CEP112: variants seen among roughly 807,000 people sequenced by gnomAD.
CEP112 encodes centrosomal protein 112.
In CEP112, 127 loss-of-function variants were observed where a neutral mutation model predicts 153.0. The observed-to-expected ratio is 0.83, with a 90% CI of 0.72 to 0.96. The LOEUF (loss-of-function observed/expected upper bound fraction) is 0.96. Ranked by LOEUF, CEP112 falls within the 40% of genes least tolerant of loss-of-function variation. The pLI, the probability that CEP112 is intolerant of heterozygous loss-of-function variation, is 0.00. For missense variants in CEP112, 1,089 were observed against 1,101.2 expected, an observed-to-expected ratio of 0.99 and a Z score of 0.16; for synonymous variants, 358 against 374.4, an observed-to-expected ratio of 0.96 and a Z score of 0.51.
chr17:65,919,128 A>G (rs749451467), intron 19 of CEP112, among the ~76,000 whole-genome samples: 3 of 152,234 alleles, frequency 2.0e-5, no homozygotes, highest in African/African-American at 4.8e-5. Context: ...AGCCTGAAGC[A>G]GCCTCTGCAA....
chr17:66,014,861 C>G (rs745984500), intron 16 of CEP112, among the ~76,000 whole-genome samples: 1 of 152,176 alleles, frequency 6.6e-6, no homozygotes, highest in Non-Finnish European at 1.5e-5. Flanking sequence ...AATGTCCTAC[C>G]CCCTTGGTGG....
chr17:65,677,901 A>G (rs1013368583), intron 24 of CEP112, among the ~76,000 whole-genome samples: 13 of 152,220 alleles, frequency 8.5e-5, no homozygotes, highest in African/African-American at 3.1e-4. Context: ...AGACAGAACA[A>G]GACCTTTATC....
At chr17:65,885,008 G>A (rs1349134798) in intron 20 of CEP112, among the ~76,000 whole-genome samples, 3 of 151,990 alleles carry the variant, frequency 2.0e-5, no homozygotes, top group East Asian at 1.9e-4. Context: ...GAGCCATCGC[G>A]CCCGGCCTAG....
chr17:65,995,070 G>A (rs1021806120), intron 17 of CEP112, among the ~76,000 whole-genome samples: 3 of 151,364 alleles, frequency 2.0e-5, no homozygotes, highest in African/African-American at 7.3e-5. Flanking sequence ...CTTGCCTTTG[G>A]GTTTCAAGTT....
chr17:65,970,461 CA>C lies in CEP112; in HGVS notation c.1737-8864del, dbSNP rs1163020253. Among the ~76,000 whole-genome samples the C allele has an allele frequency of 6.7e-5, 3 of 45,106 alleles. No homozygotes were observed. In the Admixed American group the frequency reaches 1.3e-3, roughly 19 times the overall value. 29.6% of individuals were successfully genotyped at this position (45,106 alleles called of 152,430 possible). A position where few individuals can be genotyped will look rare whatever the true frequency, so the allele number is the denominator to read the frequency against. On this transcript the variant is annotated intron_variant, in intron 17 of 26. Transcript: ENST00000535342. Reference sequence around the variant, plus strand: ...ATCATGCATGTATATTACATGCATGCACACATGCATGTATATTACATGCATG... The same window carrying C: ...ATCATGCATGTATATTACATGCATGCCACATGCATGTATATTACATGCATG...
At chr17:66,129,946 G>T in intron 5 of CEP112, 123 bp from the exon 6 acceptor site, 10 of 384,836 alleles carry the variant, frequency 2.6e-5, no homozygotes, top group Non-Finnish European at 4.1e-5. Flanking sequence ...GAGGAAGGAA[G>T]TAAAAAAGGA....
rs1333910560 is a variant in CEP112, at chr17:66,005,689, C to G, written c.1736+1G>C. The G allele has an allele frequency of 6.2e-7, 1 of 1,607,880 alleles. No individual in the cohort carries two copies. The highest frequency in any genetic ancestry group is 8.5e-7 in the Non-Finnish European group (1 of 1,178,124). ...ATCAAATGCATTACAATTTTACTCACTTCAAAGCTTCCTCAAATTTATGAA... is the reference window on the plus strand; with the variant it reads ...ATCAAATGCATTACAATTTTACTCAGTTCAAAGCTTCCTCAAATTTATGAA... On this transcript the variant is annotated splice_donor_variant, in intron 17 of 26. Coordinates refer to ENST00000535342, the MANE Select transcript of CEP112 (RefSeq NM_001199165.4). LOFTEE classifies it high-confidence loss of function.
At chr17:66,086,380 CTTTTTTTTTTTT>C (rs71160531) in intron 8 of CEP112, among the ~76,000 whole-genome samples, 1 of 67,026 alleles carries the variant, frequency 1.5e-5, no homozygotes, top group African/African-American at 6.4e-5. Context: ...ATTTTCTTTT[CTTTTTTTTTTTT>C]TTTTTTTTTT....
intron 4 of CEP112, among the ~76,000 whole-genome samples, chr17:66,159,354 G>A (rs2071593201): frequency 6.6e-6 from 1 of 152,142 alleles, no homozygotes; most frequent in African/African-American, 2.4e-5. Context: ...ATTTTACGAG[G>A]CCAGAGTTAT....
chr17:65,767,270 C>T lies in CEP112; in HGVS notation c.2395-16546G>A, dbSNP rs117403499. On this transcript the variant is annotated intron_variant, in intron 21 of 26. Coordinates refer to ENST00000535342, the MANE Select transcript of CEP112 (RefSeq NM_001199165.4). Reference sequence around the variant, plus strand: ...TCACAAATATGTGGAAATTAAACAACTGGCTCTAAATAATCAATGGATCAA... The same window carrying T: ...TCACAAATATGTGGAAATTAAACAATTGGCTCTAAATAATCAATGGATCAA... 8.3e-3 allele frequency among the ~76,000 whole-genome samples: 1,267 copies of T among 152,114 alleles called. 14 individuals are homozygous for T. Among genetic ancestry groups the T allele is most frequent in the South Asian group, 0.019 (94 of 4,824 alleles).
intron 6 of CEP112, 86 bp from the exon 7 acceptor site, chr17:66,096,718 C>A: frequency 1.2e-6 from 1 of 814,418 alleles, no homozygotes; most frequent in South Asian, 1.7e-5. Context: ...ATTAAGCTGC[C>A]ATATGAAACA....
intron 4 of CEP112, among the ~76,000 whole-genome samples, chr17:66,174,581 A>G (rs1438019710): frequency 6.6e-6 from 1 of 152,212 alleles, no homozygotes. Context: ...ATGCTACCAC[A>G]ATAATGGCCT....
chr17:65,730,713 A>G (rs1259187833), intron 23 of CEP112, among the ~76,000 whole-genome samples: 1 of 151,904 alleles, frequency 6.6e-6, no homozygotes, highest in African/African-American at 2.4e-5. Context: ...GATTCCTGTA[A>G]GCTTTTAGGA....
rs532171408 is a variant in CEP112, at chr17:65,697,505, T to C, written c.2608-8287A>G. Among the ~76,000 whole-genome samples the C allele has an allele frequency of 1.2e-4, 18 of 152,290 alleles. No individual in the cohort carries two copies. In the South Asian group the frequency reaches 2.5e-3, roughly 21 times the overall value. On this transcript the variant is annotated intron_variant, in intron 23 of 26. Transcript: ENST00000535342. ...AAAATACAAATAAAGCAGTAAAATC[T>C]CACTCTATTTTCATGTGAGATTTAC...
At chr17:65,951,777 C>T (rs966864736) in intron 18 of CEP112, among the ~76,000 whole-genome samples, 4 of 126,576 alleles carry the variant, frequency 3.2e-5, no homozygotes, top group Non-Finnish European at 6.4e-5. Context: ...TAGAAGCTTG[C>T]TTTGCTTTTC....
chr17:65,648,745 T>G (rs2096208503), intron 24 of CEP112, among the ~76,000 whole-genome samples: 1 of 152,150 alleles, frequency 6.6e-6, no homozygotes, highest in Non-Finnish European at 1.5e-5. Flanking sequence ...TTTTATGATG[T>G]TTTTATTCAA....
At chr17:66,183,791 C>A (rs944766015) in intron 1 of CEP112, among the ~76,000 whole-genome samples, 1 of 151,880 alleles carries the variant, frequency 6.6e-6, no homozygotes, top group African/African-American at 2.4e-5. Context: ...AGAACTTCAA[C>A]CTAAACTTCA....
At chr17:65,841,338 T>C (rs1366661529) in intron 21 of CEP112, among the ~76,000 whole-genome samples, 1 of 152,102 alleles carries the variant, frequency 6.6e-6, no homozygotes, top group East Asian at 1.9e-4. Flanking sequence ...TGAAATTCTG[T>C]CATTTTCAGC....
intron 21 of CEP112, among the ~76,000 whole-genome samples, chr17:65,764,049 G>A (rs548360188): frequency 1.3e-5 from 2 of 152,098 alleles, no homozygotes; most frequent in Admixed American, 6.6e-5. Context: ...GTGCTTCTCA[G>A]TTTCTCCCCC....
Sources: allele counts gnomAD v4.1 joint callset (sites outside exome capture counted in the v4.1 genomes callset), GRCh38; gene constraint gnomAD v4.1.1; transcripts MANE v1.5; gene names NCBI Gene and HGNC (gene_info 2026-07-23, HGNC 2026-07-21).